Variants in SAMD5 observed in about 807,000 individuals in gnomAD.
The protein encoded by SAMD5 is sterile alpha motif domain containing 5.
Under a neutral mutation model 11.3 loss-of-function variants are expected in SAMD5, and 13 were observed. That is an observed-to-expected ratio of 1.15 (90% CI 0.75 to 1.83). The LOEUF is 1.83. Among genes scored for constraint, SAMD5 ranks in the 40% most tolerant of loss-of-function variants. The pLI, the probability that SAMD5 is intolerant of heterozygous loss-of-function variation, is 0.00. For synonymous variants in SAMD5, 129 were observed against 111.3 expected, an observed-to-expected ratio of 1.16 and a Z score of -1.00; for missense variants, 255 against 239.1, an observed-to-expected ratio of 1.07 and a Z score of -0.44.
At chr6:147,930,439 A>T in the SAMD5 span, among the ~76,000 whole-genome samples, 1 of 152,166 alleles carries the variant, frequency 6.6e-6, no homozygotes, top group Non-Finnish European at 1.5e-5. Context: ...AGAGAGACAG[A>T]ACCAATAGGA....
chr6:147,522,479 A>G (rs988304289), intron 1 of SAMD5, among the ~76,000 whole-genome samples: 3 of 152,138 alleles, frequency 2.0e-5, no homozygotes, highest in Admixed American at 6.6e-5. Context: ...AACTGGGCCC[A>G]ATATTGTGAT....
chr6:147,569,533 T>C lies in SAMD5; in HGVS notation c.*5077T>C. On this transcript the variant is annotated 3_prime_UTR_variant, in exon 2 of 2. Coordinates refer to ENST00000367474, the MANE Select transcript of SAMD5 (RefSeq NM_001030060.3). ...TCTTTTATAGGTATATTCTGTATAA[T>C]ACCCTTAATTAGATGAATTATCCCT... is the stretch of plus-strand genomic sequence containing the variant. 1 of 875,772 alleles carries C rather than the reference T, an allele frequency of 1.1e-6. No homozygotes were observed. Among genetic ancestry groups the C allele is most frequent in the Non-Finnish European group, 1.4e-6 (1 of 730,050 alleles). 54.3% of individuals were successfully genotyped at this position (875,772 alleles called of 1,614,324 possible). A position where few individuals can be genotyped will look rare whatever the true frequency, so the allele number is the denominator to read the frequency against.
chr6:147,696,700 T>C (rs891730384), intron 1 of SAMD5, among the ~76,000 whole-genome samples: 7 of 152,172 alleles, frequency 4.6e-5, no homozygotes, highest in African/African-American at 1.7e-4. Context: ...GTTAGCTGAG[T>C]GACTTTGGGC....
the SAMD5 span, among the ~76,000 whole-genome samples, chr6:147,791,289 CAAATAAAT>C: frequency 2.8e-4 from 42 of 151,566 alleles, no homozygotes; most frequent in Non-Finnish European, 5.3e-4. Context: ...GACCCCGTCT[CAAATAAAT>C]AAATAAATAA....
chr6:147,745,777 CTT>C, the SAMD5 span, among the ~76,000 whole-genome samples: 218 of 133,162 alleles, frequency 1.6e-3, no homozygotes, highest in African/African-American at 3.5e-3. Flanking sequence ...TTCTTTCTTT[CTT>C]TTTTTTTTTT....
the SAMD5 span, among the ~76,000 whole-genome samples, chr6:147,941,551 T>C: frequency 1.6e-5 from 2 of 123,122 alleles, no homozygotes; most frequent in African/African-American, 5.4e-5. Flanking sequence ...ATAGAATATG[T>C]TTTTTTTAGG....
At chr6:147,900,384 G>A in the SAMD5 span, among the ~76,000 whole-genome samples, 5 of 152,318 alleles carry the variant, frequency 3.3e-5, no homozygotes, top group South Asian at 6.2e-4. Flanking sequence ...ACTGGGAAAC[G>A]AGCCAGTTCT....
At chr6:147,557,522 C>T (rs1461625280) in intron 1 of SAMD5, among the ~76,000 whole-genome samples, 2 of 152,188 alleles carry the variant, frequency 1.3e-5, no homozygotes, top group African/African-American at 4.8e-5. Context: ...TGTGGCTGCA[C>T]CACTCCACTC....
In SAMD5 at chr6:147,566,699, C is replaced by T. The variant is rs1583086931; in HGVS notation, c.*2243C>T. On this transcript the variant is annotated 3_prime_UTR_variant, in exon 2 of 2. Transcript: ENST00000367474. ...AATGCTCTGCTTAAAGTAAGAGTCACAGTCAGCAAAAAAAGCCAATGGATT... is the reference window on the plus strand; with the variant it reads ...AATGCTCTGCTTAAAGTAAGAGTCATAGTCAGCAAAAAAAGCCAATGGATT... 1 of 984,966 alleles carries T rather than the reference C, an allele frequency of 1.0e-6. No homozygotes were observed. Among genetic ancestry groups the T allele is most frequent in the Non-Finnish European group, 1.2e-6 (1 of 829,576 alleles). The allele number at this position is 984,966 out of a possible 1,614,324, so 61.0% of individuals were successfully genotyped here. A position where few individuals can be genotyped will look rare whatever the true frequency, so the allele number is the denominator to read the frequency against.
chr6:147,909,804 T>G, the SAMD5 span, among the ~76,000 whole-genome samples: 1 of 152,002 alleles, frequency 6.6e-6, no homozygotes, highest in Non-Finnish European at 1.5e-5. Context: ...ACTATCCAGC[T>G]CTTTAGAGAA....
downstream of SAMD5, among the ~76,000 whole-genome samples, chr6:147,572,515 A>G (rs1789151817): frequency 6.6e-6 from 1 of 152,146 alleles, no homozygotes; most frequent in Non-Finnish European, 1.5e-5. Context: ...TCACCCTGTC[A>G]CCCTGGCTAG....
At chr6:147,574,567 T>G (rs1353022921), downstream of SAMD5, among the ~76,000 whole-genome samples, 1 of 152,212 alleles carries the variant, frequency 6.6e-6, no homozygotes, top group African/African-American at 2.4e-5. Flanking sequence ...TAGTCTGATT[T>G]GTGCTGCTAT....
At chr6:147,890,751 T>C in the SAMD5 span, among the ~76,000 whole-genome samples, 5 of 145,940 alleles carry the variant, frequency 3.4e-5, no homozygotes, top group Non-Finnish European at 6.2e-5. Flanking sequence ...GATATTTGGA[T>C]AGTTTTTTTT....
chr6:147,595,099 G>A (rs1434559790), intron 1 of SAMD5, among the ~76,000 whole-genome samples: 1 of 152,170 alleles, frequency 6.6e-6, no homozygotes, highest in East Asian at 1.9e-4. Flanking sequence ...AGTACTTGCT[G>A]TACCTGTTAA....
the SAMD5 span, among the ~76,000 whole-genome samples, chr6:147,815,521 G>C: frequency 3.4e-5 from 5 of 147,204 alleles, no homozygotes; most frequent in Non-Finnish European, 7.4e-5. Flanking sequence ...GGTCAGGAAG[G>C]GTTCGGCTAT....
At chr6:147,837,556 G>A in the SAMD5 span, among the ~76,000 whole-genome samples, 1 of 152,202 alleles carries the variant, frequency 6.6e-6, no homozygotes, top group South Asian at 2.1e-4. Flanking sequence ...ATGGAGATAT[G>A]AAGGTTAGAC....
the SAMD5 span, among the ~76,000 whole-genome samples, chr6:147,858,270 A>G: frequency 2.0e-5 from 3 of 152,238 alleles, no homozygotes; most frequent in East Asian, 3.9e-4. Context: ...TTAATAGACC[A>G]GATTAGAATT....
chr6:147,731,652 CAAAA>C (rs4052655), intron 1 of SAMD5, among the ~76,000 whole-genome samples: 4,125 of 90,126 alleles, frequency 0.046, 115 homozygotes, highest in South Asian at 0.088. Context: ...CTGGCCACTA[CAAAA>C]AAAAAAAAAA....
the SAMD5 span, among the ~76,000 whole-genome samples, chr6:147,954,561 A>C: frequency 3.3e-5 from 5 of 151,836 alleles, no homozygotes; most frequent in Non-Finnish European, 5.9e-5. Context: ...CCCATCACTC[A>C]CTGACTCAGC....
Sources: allele counts gnomAD v4.1 joint callset (sites outside exome capture counted in the v4.1 genomes callset), GRCh38; gene constraint gnomAD v4.1.1; transcripts MANE v1.5; gene names NCBI Gene and HGNC (gene_info 2026-07-23, HGNC 2026-07-21).